ADGRL2: variants seen among roughly 807,000 people sequenced by gnomAD.
ADGRL2 encodes the protein calcium-independent alpha-latrotoxin receptor 2.
Under a neutral mutation model 157.4 loss-of-function variants are expected in ADGRL2, and 44 were observed. That is an observed-to-expected ratio of 0.28 (90% CI 0.22 to 0.36). The LOEUF (loss-of-function observed/expected upper bound fraction) is 0.36, where lower values mean the gene tolerates loss of function less well. Among genes scored for constraint, ADGRL2 ranks in the 10% least tolerant of loss-of-function variants. ADGRL2 has a pLI of 1.00. For missense variants in ADGRL2, 1,510 were observed against 1,768.9 expected (o/e 0.85, Z 2.63); for synonymous variants, 585 against 624.7 (o/e 0.94, Z 0.95).
At chr1:81,815,988 TA>T (rs200348187) in intron 1 of ADGRL2, among the ~76,000 whole-genome samples, 6 of 151,006 alleles carry the variant, frequency 4.0e-5, no homozygotes, top group East Asian at 1.9e-4. Flanking sequence ...AGAGTATTTC[TA>T]AAAAAAAATT....
At chr1:81,950,130 T>TTCCATGTGTGCAC (rs1651283547) in intron 6 of ADGRL2, 59 bp from the exon 7 acceptor site, 2 of 1,421,738 alleles carry the variant, frequency 1.4e-6, no homozygotes, top group African/African-American at 2.8e-5. Flanking sequence ...CATGTGTGCA[T>TTCCATGTGTGCAC]GACTGTATGT....
chr1:81,783,518 C>G (rs774702678), intron 2 of ADGRL2, among the ~76,000 whole-genome samples: 16 of 151,928 alleles, frequency 1.1e-4, no homozygotes, highest in Non-Finnish European at 2.2e-4. Flanking sequence ...TTGTAAATCT[C>G]CTTAAATCCC....
chr1:81,408,554 C>T (rs1240336187), intron 1 of ADGRL2, among the ~76,000 whole-genome samples: 3 of 152,124 alleles, frequency 2.0e-5, no homozygotes, highest in South Asian at 2.1e-4. Flanking sequence ...ATCTGCTGTT[C>T]GCGTGCCTAG....
chr1:81,420,934 C>T (rs1207654020), intron 1 of ADGRL2, among the ~76,000 whole-genome samples: 1 of 152,184 alleles, frequency 6.6e-6, no homozygotes, highest in Non-Finnish European at 1.5e-5. Flanking sequence ...TCACCAGCAT[C>T]TGTCTTCTCA....
chr1:81,364,113 T>C (rs866535493), intron 1 of ADGRL2, among the ~76,000 whole-genome samples: 1 of 152,104 alleles, frequency 6.6e-6, no homozygotes. Context: ...CACTCCCCCT[T>C]ACCCCCACTC....
chr1:81,373,358 GA>G (rs1291479461), intron 1 of ADGRL2, among the ~76,000 whole-genome samples: 1 of 152,146 alleles, frequency 6.6e-6, no homozygotes, highest in African/African-American at 2.4e-5. Flanking sequence ...ACCTGGACTG[GA>G]AATGTCAAAC....
intron 3 of ADGRL2, among the ~76,000 whole-genome samples, chr1:81,915,182 C>T (rs1405307517): frequency 6.6e-6 from 1 of 151,982 alleles, no homozygotes; most frequent in African/African-American, 2.4e-5. Flanking sequence ...CTCAAGTGAT[C>T]CTCCCACCTC....
chr1:81,583,504 A>C (rs559832739), intron 3 of ADGRL2, among the ~76,000 whole-genome samples: 1 of 152,106 alleles, frequency 6.6e-6, no homozygotes, highest in East Asian at 1.9e-4. Flanking sequence ...TTGAAGAAAA[A>C]CCTCTATAGA....
intron 3 of ADGRL2, among the ~76,000 whole-genome samples, chr1:81,922,778 G>C (rs1165672171): frequency 6.6e-6 from 1 of 152,140 alleles, no homozygotes; most frequent in Non-Finnish European, 1.5e-5. Context: ...AACTTTGGGA[G>C]GCGGAGGCGG....
At chr1:81,855,407 C>CT (rs1442546761) in intron 2 of ADGRL2, among the ~76,000 whole-genome samples, 2 of 152,166 alleles carry the variant, frequency 1.3e-5, no homozygotes, top group African/African-American at 4.8e-5. Context: ...TGCCATTGCA[C>CT]TTCAGCCTGG....
At chr1:81,484,858 TA>T (rs940838804) in intron 2 of ADGRL2, among the ~76,000 whole-genome samples, 2 of 151,964 alleles carry the variant, frequency 1.3e-5, no homozygotes, top group Non-Finnish European at 2.9e-5. Flanking sequence ...ACCCTTCCCA[TA>T]AAAAAAATTT....
At chr1:81,538,289 T>C (rs1570430719) in intron 2 of ADGRL2, among the ~76,000 whole-genome samples, 1 of 151,914 alleles carries the variant, frequency 6.6e-6, no homozygotes, top group South Asian at 2.1e-4. Context: ...ATAGGCAGGG[T>C]TATTGGTATG....
Position 81,985,120 on chromosome 1 carries a change from C to T in ADGRL2, c.3412-139C>T, listed in dbSNP as rs191593447. 3.2e-5 allele frequency: 16 copies of T among 501,410 alleles called. No homozygotes were observed. The South Asian group carries it at 5.7e-4, about 18-fold the overall frequency. The allele number at this position is 501,410 out of a possible 1,614,324, so 31.1% of individuals were successfully genotyped here. A position where few individuals can be genotyped will look rare whatever the true frequency, so the allele number is the denominator to read the frequency against. ...AACAATAGATATTGTTAGTTTTAGA[C>T]CAGAAAAAACACACATTCTTTAAAA... On this transcript the variant is annotated intron_variant, in intron 20 of 23. Transcript: ENST00000686636.
intron 1 of ADGRL2, among the ~76,000 whole-genome samples, chr1:81,332,251 C>G (rs1451887870): frequency 6.6e-6 from 1 of 152,076 alleles, no homozygotes; most frequent in Non-Finnish European, 1.5e-5. Flanking sequence ...AATATATGTA[C>G]TCAAGGTTCT....
At chr1:81,985,684 CAT>C (rs751869534) in intron 21 of ADGRL2, among the ~76,000 whole-genome samples, 106 of 151,946 alleles carry the variant, frequency 7.0e-4, no homozygotes, top group Middle Eastern at 3.4e-3. Context: ...ATGCTAAAAA[CAT>C]GTGTAGTAAA....
intron 1 of ADGRL2, among the ~76,000 whole-genome samples, chr1:81,375,143 C>T (rs186530732): frequency 6.6e-6 from 1 of 152,302 alleles, no homozygotes; most frequent in East Asian, 1.9e-4. Flanking sequence ...GATGTGAGCA[C>T]CTGTGAGCAA....
At chr1:81,905,063 A>C (rs1267820141) in intron 2 of ADGRL2, among the ~76,000 whole-genome samples, 1 of 151,152 alleles carries the variant, frequency 6.6e-6, no homozygotes. Flanking sequence ...AAATTATTAA[A>C]GTGCACTGAT....
chr1:81,883,604 A>G (rs557184269), intron 2 of ADGRL2, among the ~76,000 whole-genome samples: 4 of 152,292 alleles, frequency 2.6e-5, no homozygotes, highest in African/African-American at 9.6e-5. Flanking sequence ...GGTTACTTTA[A>G]AACCCAGTAA....
intron 17 of ADGRL2, among the ~76,000 whole-genome samples, chr1:81,975,075 A>T (rs962853070): frequency 6.6e-6 from 1 of 151,982 alleles, no homozygotes; most frequent in Admixed American, 6.6e-5. Context: ...TTACCTGTAC[A>T]CACACACCTG....
Sources: allele counts gnomAD v4.1 joint callset (sites outside exome capture counted in the v4.1 genomes callset), GRCh38; gene constraint gnomAD v4.1.1; transcripts MANE v1.5; gene names NCBI Gene and HGNC (gene_info 2026-07-23, HGNC 2026-07-21).